Variants in GRAMD1B observed in about 807,000 individuals in gnomAD.
GRAMD1B encodes the protein protein Aster-B.
In GRAMD1B, 37 loss-of-function variants were observed where a neutral mutation model predicts 99.7. The observed-to-expected ratio is 0.37, with a 90% CI of 0.29 to 0.49. The LOEUF (loss-of-function observed/expected upper bound fraction) is 0.49, where lower values mean the gene tolerates loss of function less well. GRAMD1B is among the 20% of genes least tolerant of loss of function. The probability of loss-of-function intolerance (pLI) is 0.98; values close to 1 mark genes in which losing one functional copy is unlikely to be tolerated. For synonymous variants in GRAMD1B, 427 were observed against 387.6 expected, an observed-to-expected ratio of 1.10 and a Z score of -1.19; for missense variants, 888 against 1,009.2, an observed-to-expected ratio of 0.88 and a Z score of 1.63.
At chr11:123,550,073 T>C (rs1324491972) in intron 2 of GRAMD1B, among the ~76,000 whole-genome samples, 2 of 152,130 alleles carry the variant, frequency 1.3e-5, no homozygotes, top group Non-Finnish European at 2.9e-5. Context: ...AGTCCGTACC[T>C]CCGTGCCATC....
At chr11:123,426,307 C>G (rs1318792434), upstream of GRAMD1B, among the ~76,000 whole-genome samples, 1 of 152,190 alleles carries the variant, frequency 6.6e-6, no homozygotes, top group African/African-American at 2.4e-5. Flanking sequence ...CAGTCTTAGT[C>G]ATTCAGGCCA....
At chr11:123,542,752 A>G (rs971344977) in intron 2 of GRAMD1B, among the ~76,000 whole-genome samples, 4 of 152,046 alleles carry the variant, frequency 2.6e-5, no homozygotes, top group African/African-American at 7.2e-5. Flanking sequence ...TCCTGGGTTC[A>G]AGCAATTCTT....
At chr11:123,414,016 T>C (rs1948141552) in intron 1 of GRAMD1B, among the ~76,000 whole-genome samples, 1 of 152,030 alleles carries the variant, frequency 6.6e-6, no homozygotes, top group Non-Finnish European at 1.5e-5. Context: ...GAAGAAACTG[T>C]TAGTGGTCTT....
In GRAMD1B at chr11:123,535,767, C is replaced by T. The variant is rs571406076; in HGVS notation, c.453-41600C>T. ...ATTGTCTGTTCACCGTTCAGTTAAG[C>T]ATTAGAACATTGCCTATACGTGTGA... On this transcript the variant is annotated intron_variant, in intron 2 of 19. Transcript: ENST00000635736. 1.9e-3 allele frequency among the ~76,000 whole-genome samples: 284 copies of T among 152,130 alleles called. 1 individual carries two copies. The highest frequency in any genetic ancestry group is 2.9e-3 in the Non-Finnish European group (199 of 68,022).
intron 2 of GRAMD1B, among the ~76,000 whole-genome samples, chr11:123,507,469 A>C (rs1940550734): frequency 6.6e-6 from 1 of 152,228 alleles, no homozygotes; most frequent in Non-Finnish European, 1.5e-5. Flanking sequence ...GTGGGATGGA[A>C]TAGGAATGGG....
chr11:123,363,564 C>A (rs1946216581), intron 1 of GRAMD1B, among the ~76,000 whole-genome samples: 1 of 149,402 alleles, frequency 6.7e-6, no homozygotes, highest in Non-Finnish European at 1.5e-5. Context: ...CATACTCTCT[C>A]TCATACTTTT....
Position 123,591,361 on chromosome 11 carries a change from C to T in GRAMD1B, c.685-2721C>T, listed in dbSNP as rs1950624940. On this transcript the variant is annotated intron_variant, in intron 4 of 19. Transcript: ENST00000635736. The surrounding 1 kb of genome is among the most constrained non-coding windows in gnomAD (Gnocchi z 4.7). ...AGTCGGGAGTCAGTGCTCAGGGAGCCAGGCGTCGTTGGGAGGGGCAGCCGT... is the reference window on the plus strand; with the variant it reads ...AGTCGGGAGTCAGTGCTCAGGGAGCTAGGCGTCGTTGGGAGGGGCAGCCGT... 2.5e-6 allele frequency: 1 copy of T among 399,118 alleles called. No homozygotes were observed. The highest frequency in any genetic ancestry group is 3.6e-5 in the East Asian group (1 of 28,070). 24.7% of individuals were successfully genotyped at this position (399,118 alleles called of 1,614,324 possible). A position where few individuals can be genotyped will look rare whatever the true frequency, so the allele number is the denominator to read the frequency against.
In GRAMD1B at chr11:123,430,738, C is replaced by A. The variant is rs1456748165; in HGVS notation, c.-55C>A. On this transcript the variant is annotated 5_prime_UTR_variant, in exon 1 of 20. Coordinates refer to ENST00000635736, the MANE Select transcript of GRAMD1B (RefSeq NM_001387025.1). ...AGGGTGGGGAACAGCCAGAGGGAGA[C>A]GCGAACCAGGCCGCTGGCGGAGGGC... 1 of 611,538 alleles carries A rather than the reference C, an allele frequency of 1.6e-6. No homozygotes were observed. The highest frequency in any genetic ancestry group is 1.9e-5 in the African/African-American group (1 of 53,170). 37.9% of individuals were successfully genotyped at this position (611,538 alleles called of 1,614,324 possible). A position where few individuals can be genotyped will look rare whatever the true frequency, so the allele number is the denominator to read the frequency against.
chr11:123,564,628 G>C (rs1381504266), intron 2 of GRAMD1B, among the ~76,000 whole-genome samples: 1 of 152,238 alleles, frequency 6.6e-6, no homozygotes, highest in Non-Finnish European at 1.5e-5. Flanking sequence ...GTCAGGGACA[G>C]TATCCCCAAT....
At position 123,603,418 on chromosome 11, in the gene GRAMD1B, C is replaced by G; in HGVS notation, c.1051-8C>G. On this transcript the variant is annotated splice_region_variant and splice_polypyrimidine_tract_variant and intron_variant, in intron 8 of 19. Coordinates refer to ENST00000635736, the MANE Select transcript of GRAMD1B (RefSeq NM_001387025.1). ...GCAAGGCTCAGTCGTTCCTTTTCTCCCCTGAAGCCTCTGTGTCCCAAGGAG... is the reference window on the plus strand; with the variant it reads ...GCAAGGCTCAGTCGTTCCTTTTCTCGCCTGAAGCCTCTGTGTCCCAAGGAG... The G allele has an allele frequency of 1.9e-6, 3 of 1,555,806 alleles. No individual in the cohort carries two copies. The South Asian group carries it at 3.3e-5, about 17-fold the overall frequency.
intron 1 of GRAMD1B, among the ~76,000 whole-genome samples, chr11:123,466,603 A>G (rs1468355614): frequency 6.6e-6 from 1 of 152,124 alleles, no homozygotes; most frequent in African/African-American, 2.4e-5. Context: ...TCCAACATGG[A>G]TACTCTGCAT....
intron 1 of GRAMD1B, among the ~76,000 whole-genome samples, chr11:123,409,953 T>C (rs1449977736): frequency 6.6e-6 from 1 of 152,206 alleles, no homozygotes; most frequent in East Asian, 1.9e-4. Context: ...TGAGGTCCAA[T>C]TAGTCCAAAT....
chr11:123,399,327 A>G (rs1025272122), intron 1 of GRAMD1B, among the ~76,000 whole-genome samples: 1 of 152,150 alleles, frequency 6.6e-6, no homozygotes, highest in African/African-American at 2.4e-5. Context: ...TTCTTTATCC[A>G]TTCATCCTAT....
At chr11:123,588,883 AT>A (rs1565422445) in intron 4 of GRAMD1B, among the ~76,000 whole-genome samples, 1 of 152,018 alleles carries the variant, frequency 6.6e-6, no homozygotes, top group Non-Finnish European at 1.5e-5. Context: ...TGGATTTCTG[AT>A]TTTTTTGGAT....
chr11:123,530,475 G>T (rs971862152), intron 2 of GRAMD1B, among the ~76,000 whole-genome samples: 1 of 152,134 alleles, frequency 6.6e-6, no homozygotes, highest in Non-Finnish European at 1.5e-5. Flanking sequence ...CGTCCCCCCG[G>T]ATTCAAGTGA....
intron 1 of GRAMD1B, among the ~76,000 whole-genome samples, chr11:123,360,327 G>A (rs1946096164): frequency 6.6e-6 from 1 of 152,144 alleles, no homozygotes; most frequent in African/African-American, 2.4e-5. Context: ...GACCTTCACT[G>A]CAGCTTAGAG....
chr11:123,575,830 CT>C (rs1207896466), intron 2 of GRAMD1B, among the ~76,000 whole-genome samples: 1 of 152,148 alleles, frequency 6.6e-6, no homozygotes, highest in Non-Finnish European at 1.5e-5. Flanking sequence ...GGAAGAGCCT[CT>C]TTTGAAAGAG....
chr11:123,505,423 A>C (rs554442884), intron 2 of GRAMD1B, among the ~76,000 whole-genome samples: 2 of 152,252 alleles, frequency 1.3e-5, no homozygotes, highest in East Asian at 3.9e-4. Context: ...GGGGACATAA[A>C]ATTTCCTGCT....
At chr11:123,511,800 A>T (rs1941052552) in intron 2 of GRAMD1B, among the ~76,000 whole-genome samples, 1 of 152,180 alleles carries the variant, frequency 6.6e-6, no homozygotes, top group Non-Finnish European at 1.5e-5. Context: ...ACCGGCAGGA[A>T]TGTGTTACAG....
Sources: allele counts gnomAD v4.1 joint callset (sites outside exome capture counted in the v4.1 genomes callset), GRCh38; gene constraint gnomAD v4.1.1; non-coding constraint Gnocchi (gnomAD v3.1); transcripts MANE v1.5; gene names NCBI Gene and HGNC (gene_info 2026-07-23, HGNC 2026-07-21).